STXBP5L: variants seen among roughly 807,000 people sequenced by gnomAD.
STXBP5L encodes the protein syntaxin binding protein 5L.
In STXBP5L, 65 loss-of-function variants were observed where a neutral mutation model predicts 144.5. That is an observed-to-expected ratio of 0.45 (90% CI 0.37 to 0.55). The LOEUF (loss-of-function observed/expected upper bound fraction) is 0.55, where lower values mean the gene tolerates loss of function less well. STXBP5L is among the 20% of genes least tolerant of loss of function. The pLI, the probability that STXBP5L is intolerant of heterozygous loss-of-function variation, is 0.00. For synonymous variants in STXBP5L, 505 were observed against 469.6 expected (o/e 1.08, Z -0.97); for missense variants, 1,298 against 1,405.5 (o/e 0.92, Z 1.22).
chr3:121,071,214 T>C (rs9844667), intron 5 of STXBP5L, among the ~76,000 whole-genome samples: 32,487 of 152,202 alleles, frequency 0.21, 3,702 homozygotes, highest in Non-Finnish European at 0.26. Flanking sequence ...GCAACAAGCT[T>C]GGCAGCATTT....
intron 2 of STXBP5L, 100 bp from the exon 3 acceptor site, chr3:120,954,840 T>G: frequency 1.1e-6 from 1 of 914,982 alleles, no homozygotes; most frequent in Non-Finnish European, 1.6e-6. Flanking sequence ...TTTTTTTCCT[T>G]TAAACTAATT....
At chr3:121,048,555 T>A (rs888890352) in intron 5 of STXBP5L, among the ~76,000 whole-genome samples, 1 of 152,172 alleles carries the variant, frequency 6.6e-6, no homozygotes, top group African/African-American at 2.4e-5. Context: ...TTTCTCTGAC[T>A]GAGTTAGTTC....
At chr3:121,080,166 A>G (rs1054189402) in intron 5 of STXBP5L, among the ~76,000 whole-genome samples, 22 of 151,918 alleles carry the variant, frequency 1.4e-4, no homozygotes, top group East Asian at 1.9e-4. Flanking sequence ...TTTGGTTTCC[A>G]TTGGCATGGA....
chr3:120,984,988 T>G (rs1942159233), intron 3 of STXBP5L, among the ~76,000 whole-genome samples: 1 of 152,098 alleles, frequency 6.6e-6, no homozygotes, highest in South Asian at 2.1e-4. Context: ...GTTGAACAAT[T>G]CTTGCATCTC....
At chr3:120,992,196 G>C (rs966559580) in intron 3 of STXBP5L, among the ~76,000 whole-genome samples, 2 of 151,782 alleles carry the variant, frequency 1.3e-5, no homozygotes, top group Non-Finnish European at 2.9e-5. Flanking sequence ...CTGTATTTAT[G>C]GAGCATAGGC....
intron 20 of STXBP5L, among the ~76,000 whole-genome samples, chr3:121,322,968 A>G (rs376295295): frequency 2.6e-5 from 4 of 152,096 alleles, no homozygotes; most frequent in African/African-American, 9.6e-5. Context: ...ACTTTTTGAT[A>G]TGTTTGTTGG....
rs1336162947 is a variant in STXBP5L, at chr3:121,424,009, C to T, written c.*4912C>T. On this transcript the variant is annotated 3_prime_UTR_variant, in exon 27 of 27. Coordinates refer to ENST00000471454, the MANE Select transcript of STXBP5L (RefSeq NM_001308330.2). ...TTACACATGTGACATCACAAGATAC[C>T]AGAAGTAGCACAGTAAATTCAAGAG... 2 of 151,922 alleles carry T rather than the reference C, an allele frequency of 1.3e-5. No homozygotes were observed. The highest frequency in any genetic ancestry group is 2.9e-5 in the Non-Finnish European group (2 of 67,968). 9.4% of individuals were successfully genotyped at this position (151,922 alleles called of 1,614,324 possible). A position where few individuals can be genotyped will look rare whatever the true frequency, so the allele number is the denominator to read the frequency against.
intron 3 of STXBP5L, among the ~76,000 whole-genome samples, chr3:121,028,470 G>A (rs1035258511): frequency 2.0e-5 from 3 of 152,052 alleles, no homozygotes; most frequent in South Asian, 2.1e-4. Context: ...CAAGAGTCTT[G>A]TAGTGATTAT....
intron 20 of STXBP5L, among the ~76,000 whole-genome samples, chr3:121,324,143 T>C (rs766195440): frequency 1.3e-5 from 2 of 152,130 alleles, no homozygotes; most frequent in Non-Finnish European, 2.9e-5. Context: ...ATGATAGAAA[T>C]ATATATCTTT....
At chr3:121,004,517 C>A (rs1016108689) in intron 3 of STXBP5L, among the ~76,000 whole-genome samples, 2 of 151,724 alleles carry the variant, frequency 1.3e-5, no homozygotes, top group Admixed American at 6.6e-5. Context: ...TTGACTTCCT[C>A]TTTTCCTAAT....
chr3:121,154,608 CTAATT>C (rs1398517019), intron 8 of STXBP5L, among the ~76,000 whole-genome samples: 1 of 151,708 alleles, frequency 6.6e-6, no homozygotes. Flanking sequence ...TCTTCTCTCT[CTAATT>C]TATACTTTCT....
At chr3:121,178,907 C>T (rs2047035164) in intron 9 of STXBP5L, among the ~76,000 whole-genome samples, 1 of 152,054 alleles carries the variant, frequency 6.6e-6, no homozygotes, top group South Asian at 2.1e-4. Flanking sequence ...AAGAAGCTTC[C>T]AGCAGAATCT....
chr3:121,018,419 T>TA (rs1020081043), intron 3 of STXBP5L, among the ~76,000 whole-genome samples: 16 of 148,212 alleles, frequency 1.1e-4, no homozygotes, highest in Admixed American at 8.3e-4. Flanking sequence ...TAGATCTGTA[T>TA]AAATACAATC....
In STXBP5L at chr3:121,257,194, G is replaced by A. The variant is rs766228327; in HGVS notation, c.1693G>A (p.Asp565Asn). ...LEVRLQYDVE[D>N]IITPEPETSP... Reference sequence around the variant, plus strand: ...GGTACGACTTCAGTATGATGTTGAAGATATTATTACCCCTGAACCAGAAAC... The same window carrying A: ...GGTACGACTTCAGTATGATGTTGAAAATATTATTACCCCTGAACCAGAAAC... The change falls in exon 17 of 27, where the codon GAT (aspartate) becomes AAT (asparagine). Residue 565 changes from aspartate to asparagine, a missense_variant. Asp to Asn is a conservative substitution (Grantham distance 23, BLOSUM62 1). Transcript: ENST00000471454. The A allele has an allele frequency of 6.2e-7, 1 of 1,613,092 alleles. No individual in the cohort carries two copies. Among genetic ancestry groups the A allele is most frequent in the East Asian group, 2.2e-5 (1 of 44,846 alleles).
rs557085039 is a variant in STXBP5L, at chr3:121,022,345, G to C, written c.288-19355G>C. On this transcript the variant is annotated intron_variant, in intron 3 of 26. Coordinates refer to ENST00000471454, the MANE Select transcript of STXBP5L (RefSeq NM_001308330.2). The stretch of plus-strand genomic sequence containing the variant: ...ATGGATTAACAGCTGTATTCTATGA[G>C]ACAATCAAATAAGAATCTGTACCAA... 2.8e-4 allele frequency among the ~76,000 whole-genome samples: 42 copies of C among 152,160 alleles called. No homozygotes were observed. The South Asian group carries it at 8.7e-3, about 32-fold the overall frequency.
At chr3:121,098,515 C>A (rs757297054) in intron 5 of STXBP5L, among the ~76,000 whole-genome samples, 1 of 152,166 alleles carries the variant, frequency 6.6e-6, no homozygotes, top group Non-Finnish European at 1.5e-5. Context: ...GTCATCAAGG[C>A]AGAGAGATCT....
At chr3:121,057,513 C>A (rs1027002564) in intron 5 of STXBP5L, among the ~76,000 whole-genome samples, 6 of 151,964 alleles carry the variant, frequency 3.9e-5, no homozygotes, top group South Asian at 2.1e-4. Flanking sequence ...CCCAGGTATC[C>A]TAATTTCCAA....
chr3:120,955,979 T>G (rs1937986135), intron 3 of STXBP5L, among the ~76,000 whole-genome samples: 3 of 152,050 alleles, frequency 2.0e-5, no homozygotes, highest in Admixed American at 2.0e-4. Context: ...AGTTTATTCC[T>G]TTATACTGAA....
chr3:121,144,169 C>T (rs1327724702), intron 7 of STXBP5L, among the ~76,000 whole-genome samples: 2 of 150,476 alleles, frequency 1.3e-5, no homozygotes, highest in Admixed American at 1.3e-4. Context: ...TCTAGTAACC[C>T]GATTTTAAAA....
Sources: allele counts gnomAD v4.1 joint callset (sites outside exome capture counted in the v4.1 genomes callset), GRCh38; gene constraint gnomAD v4.1.1; transcripts MANE v1.5; gene names NCBI Gene and HGNC (gene_info 2026-07-23, HGNC 2026-07-21).